Variants in PDLIM5 observed in about 807,000 individuals in gnomAD.
PDLIM5 encodes PDZ and LIM domain 5, also known as PDZ and LIM domain protein 5.
A neutral mutation model predicts 64.2 loss-of-function variants in PDLIM5; 34 were observed. That is an observed-to-expected ratio of 0.53 (90% CI 0.40 to 0.71). The LOEUF (loss-of-function observed/expected upper bound fraction) is 0.71, where lower values mean the gene tolerates loss of function less well. Among genes scored for constraint, PDLIM5 ranks in the 30% least tolerant of loss-of-function variants. PDLIM5 has a pLI of 0.00. For synonymous variants in PDLIM5, 253 were observed against 269.1 expected (o/e 0.94, Z 0.59); for missense variants, 683 against 733.6 (o/e 0.93, Z 0.80).
chr4:94,460,693 A>G (rs763979438), intron 2 of PDLIM5, among the ~76,000 whole-genome samples: 2 of 152,140 alleles, frequency 1.3e-5, no homozygotes, highest in African/African-American at 2.4e-5. Flanking sequence ...TCATGTAACT[A>G]TTCATCTACT....
rs544206833 is a variant in PDLIM5 at position 94,451,988 on chromosome 4, G to A, written c.-50G>A. 6.6e-6 allele frequency: 1 copy of A among 152,436 alleles called. No individual in the cohort carries two copies. The highest frequency in any genetic ancestry group is 2.1e-4 in the South Asian group (1 of 4,828). The allele number at this position is 152,436 out of a possible 1,614,324, so 9.4% of individuals were successfully genotyped here. A position where few individuals can be genotyped will look rare whatever the true frequency, so the allele number is the denominator to read the frequency against. On this transcript the variant is annotated 5_prime_UTR_variant, in exon 1 of 13. Coordinates refer to ENST00000317968, the MANE Select transcript of PDLIM5 (RefSeq NM_006457.5). ...GCGGAGGCAGCCCCGCGCCGCGCCG[G>A]ACCCGAGGTGAGTGGCGGCCGGCCG... is the stretch of plus-strand genomic sequence containing the variant.
chr4:94,501,940 TG>T (rs1166295176), intron 2 of PDLIM5, among the ~76,000 whole-genome samples: 1 of 152,214 alleles, frequency 6.6e-6, no homozygotes, highest in Non-Finnish European at 1.5e-5. Context: ...AATGGGGTTA[TG>T]GAGTAAGGTT....
At chr4:94,629,435 C>T (rs533032538) in intron 8 of PDLIM5, among the ~76,000 whole-genome samples, 2 of 152,216 alleles carry the variant, frequency 1.3e-5, no homozygotes, top group East Asian at 3.9e-4. Context: ...GTTAAGATCT[C>T]ATATCTTTAT....
chr4:94,610,310 A>G lies in PDLIM5; in HGVS notation c.921-7694A>G, dbSNP rs1738266357. 2.7e-6 allele frequency: 4 copies of G among 1,501,214 alleles called. No homozygotes were observed. The Admixed American group carries it at 8.8e-5, about 33-fold the overall frequency. The allele number at this position is 1,501,214 out of a possible 1,614,324, so 93.0% of individuals were successfully genotyped here. On this transcript the variant is annotated intron_variant, in intron 7 of 12. Coordinates refer to ENST00000317968, the MANE Select transcript of PDLIM5 (RefSeq NM_006457.5). ...GTTATTGCTACAAAAACCAGGTAGA[A>G]CTACACGTACAGCGTCTGTCTGATG... is the stretch of plus-strand genomic sequence containing the variant.
chr4:94,622,587 A>T (rs1739323653), intron 8 of PDLIM5, among the ~76,000 whole-genome samples: 1 of 152,080 alleles, frequency 6.6e-6, no homozygotes, highest in Non-Finnish European at 1.5e-5. Context: ...GCAGGTATGA[A>T]TTTCAGAAGG....
chr4:94,605,419 G>T (rs1737835210), intron 7 of PDLIM5, among the ~76,000 whole-genome samples: 1 of 152,208 alleles, frequency 6.6e-6, no homozygotes, highest in Non-Finnish European at 1.5e-5. Context: ...AGCCAAAAGG[G>T]AAAGACTTTA....
At chr4:94,561,825 C>A (rs1276774621) in intron 3 of PDLIM5, among the ~76,000 whole-genome samples, 1 of 152,182 alleles carries the variant, frequency 6.6e-6, no homozygotes, top group Non-Finnish European at 1.5e-5. Flanking sequence ...TCTCTCTTGT[C>A]TAGTTCAGTT....
chr4:94,474,621 C>T (rs892833920), intron 2 of PDLIM5, among the ~76,000 whole-genome samples: 1 of 152,016 alleles, frequency 6.6e-6, no homozygotes, highest in Non-Finnish European at 1.5e-5. Flanking sequence ...GTCTTGGCTT[C>T]CGTGGTAGTC....
chr4:94,611,105 T>C, intron 7 of PDLIM5: 1 of 1,534,488 alleles, frequency 6.5e-7, no homozygotes, highest in East Asian at 2.4e-5. Flanking sequence ...CACTCCTGGA[T>C]GCACTTTGCA....
intron 2 of PDLIM5, among the ~76,000 whole-genome samples, chr4:94,458,067 C>T (rs1723537017): frequency 6.6e-6 from 1 of 151,982 alleles, no homozygotes; most frequent in Admixed American, 6.6e-5. Context: ...TATTTTTAAC[C>T]CCTTGTGTGG....
At chr4:94,579,534 C>A in intron 5 of PDLIM5, 1 of 1,360,546 alleles carries the variant, frequency 7.3e-7, no homozygotes, top group Non-Finnish European at 1.0e-6. Flanking sequence ...ACACAAGTGA[C>A]AAAGTTAGTA....
chr4:94,526,471 A>G (rs1730363620), intron 3 of PDLIM5, among the ~76,000 whole-genome samples: 1 of 152,172 alleles, frequency 6.6e-6, no homozygotes, highest in Non-Finnish European at 1.5e-5. Context: ...GAGTCCCATT[A>G]TTATTCATTG....
At position 94,484,456 on chromosome 4, in the gene PDLIM5, A is replaced by G. The variant is rs72876216; in HGVS notation, c.96+29072A>G. Among the ~76,000 whole-genome samples the G allele has an allele frequency of 6.0e-3, 911 of 152,348 alleles. 2 individuals are homozygous for G. The highest frequency in any genetic ancestry group is 0.031 in the Middle Eastern group (9 of 292). Reference sequence around the variant, plus strand: ...ATTTACTTTGCGTGGATCACTATATATAACTATGTAACATATGGATTATCT... The same window carrying G: ...ATTTACTTTGCGTGGATCACTATATGTAACTATGTAACATATGGATTATCT... On this transcript the variant is annotated intron_variant, in intron 2 of 12. Transcript: ENST00000317968.
At chr4:94,549,333 TA>T (rs1732598721) in intron 3 of PDLIM5, among the ~76,000 whole-genome samples, 1 of 152,214 alleles carries the variant, frequency 6.6e-6, no homozygotes, top group South Asian at 2.1e-4. Flanking sequence ...GTAGATTGCC[TA>T]TTTGTATGTA....
rs570095992 is a variant in PDLIM5, at chr4:94,549,540, G to T, written c.249-23811G>T. On this transcript the variant is annotated intron_variant, in intron 3 of 12. Transcript: ENST00000317968. ...GCTAAATGTTCATCAGCAGGAAATG[G>T]AGTCAATATATCTTCGTCTGTCTGT... is the stretch of plus-strand genomic sequence containing the variant. 6.6e-5 allele frequency among the ~76,000 whole-genome samples: 10 copies of T among 152,260 alleles called. No homozygotes were observed. In the South Asian group the frequency reaches 2.1e-3, roughly 32 times the overall value.
chr4:94,581,393 A>G (rs1417914246), intron 5 of PDLIM5, among the ~76,000 whole-genome samples: 1 of 152,208 alleles, frequency 6.6e-6, no homozygotes, highest in Non-Finnish European at 1.5e-5. Context: ...AAACTTTAAA[A>G]TGTTTAAATA....
intron 7 of PDLIM5, among the ~76,000 whole-genome samples, chr4:94,595,100 A>G (rs62316475): frequency 0.069 from 10,432 of 152,128 alleles, 411 homozygotes; most frequent in South Asian, 0.12. Context: ...ACACACTTTT[A>G]AACAACCAGA....
At position 94,665,171 on chromosome 4, in the gene PDLIM5, T is replaced by A; in HGVS notation, c.*1104T>A. 1.1e-6 allele frequency: 1 copy of A among 949,982 alleles called. No individual in the cohort carries two copies. Among genetic ancestry groups the A allele is most frequent in the Non-Finnish European group, 1.3e-6 (1 of 797,368 alleles). 58.8% of individuals were successfully genotyped at this position (949,982 alleles called of 1,614,324 possible). On this transcript the variant is annotated 3_prime_UTR_variant, in exon 13 of 13. Coordinates refer to ENST00000317968, the MANE Select transcript of PDLIM5 (RefSeq NM_006457.5). Reference sequence around the variant, plus strand: ...ATTAAATAATTTTGGCCTCTCATAGTTTTCTCTCTCTTTAAAGAGAATAAA... The same window carrying A: ...ATTAAATAATTTTGGCCTCTCATAGATTTCTCTCTCTTTAAAGAGAATAAA...
At chr4:94,497,414 A>G (rs558781440) in intron 2 of PDLIM5, among the ~76,000 whole-genome samples, 2 of 152,322 alleles carry the variant, frequency 1.3e-5, no homozygotes, top group African/African-American at 4.8e-5. Flanking sequence ...GACACCTAAT[A>G]TAAGTATCCT....
Sources: gnomAD v4.1 joint callset for allele counts (sites outside exome capture counted in the v4.1 genomes callset) on GRCh38, gnomAD v4.1.1 for gene constraint, MANE v1.5 for transcripts, NCBI Gene and HGNC (gene_info 2026-07-23, HGNC 2026-07-21) for gene names.